Variants in SGCZ observed in about 807,000 individuals in gnomAD.
SGCZ encodes the protein zeta-sarcoglycan.
SGCZ carries 40 observed loss-of-function variants against 41.3 expected under a neutral mutation model. The observed-to-expected ratio is 0.97, with a 90% CI of 0.75 to 1.26. SGCZ has a LOEUF of 1.26. Ranked by LOEUF, SGCZ falls within the 50% of genes most tolerant of loss-of-function variation. The pLI, the probability that SGCZ is intolerant of heterozygous loss-of-function variation, is 0.00. For missense variants in SGCZ, 552 were observed against 369.8 expected (o/e 1.49, Z -4.04); for synonymous variants, 206 against 137.5 (o/e 1.50, Z -3.49).
intron 4 of SGCZ, among the ~76,000 whole-genome samples, chr8:14,178,390 G>C (rs1002584142): frequency 6.6e-6 from 1 of 152,144 alleles, no homozygotes; most frequent in Non-Finnish European, 1.5e-5. Flanking sequence ...TCAAAATTTT[G>C]GTCCATAGCC....
chr8:14,176,183 G>A (rs1804536443), intron 4 of SGCZ, among the ~76,000 whole-genome samples: 1 of 152,078 alleles, frequency 6.6e-6, no homozygotes, highest in Admixed American at 6.6e-5. Flanking sequence ...TTAGCATACT[G>A]GTCCTACACA....
chr8:14,260,878 A>C (rs1235911561), intron 3 of SGCZ, among the ~76,000 whole-genome samples: 1 of 152,132 alleles, frequency 6.6e-6, no homozygotes, highest in East Asian at 1.9e-4. Context: ...ATTCTCACTC[A>C]CAGGTGGGAA....
At chr8:14,186,531 C>G (rs953184146) in intron 4 of SGCZ, among the ~76,000 whole-genome samples, 3 of 152,176 alleles carry the variant, frequency 2.0e-5, no homozygotes, top group Non-Finnish European at 4.4e-5. Context: ...ATAGGCTAGA[C>G]AAGAAGACTA....
intron 1 of SGCZ, among the ~76,000 whole-genome samples, chr8:14,975,459 A>G (rs561181427): frequency 1.8e-3 from 270 of 152,286 alleles, no homozygotes; most frequent in Middle Eastern, 3.4e-3. Context: ...ACAATCTGAA[A>G]GATATGTAGG....
intron 2 of SGCZ, among the ~76,000 whole-genome samples, chr8:14,507,956 A>G (rs1244710026): frequency 6.6e-6 from 1 of 151,768 alleles, no homozygotes; most frequent in Non-Finnish European, 1.5e-5. Flanking sequence ...TTTTTAGTAG[A>G]GACGGGGTTT....
chr8:15,219,048 C>T (rs538062573), intron 1 of SGCZ, among the ~76,000 whole-genome samples: 1 of 152,168 alleles, frequency 6.6e-6, no homozygotes, highest in Non-Finnish European at 1.5e-5. Flanking sequence ...TCGTTTTACC[C>T]TGCACTCTCC....
At chr8:15,145,752 C>T (rs1052590776) in intron 1 of SGCZ, among the ~76,000 whole-genome samples, 2 of 152,148 alleles carry the variant, frequency 1.3e-5, no homozygotes, top group African/African-American at 4.8e-5. Flanking sequence ...CCATACGTGG[C>T]CCTCCATCTT....
intron 1 of SGCZ, among the ~76,000 whole-genome samples, chr8:14,560,594 C>T (rs1371085285): frequency 2.6e-5 from 4 of 152,010 alleles, no homozygotes; most frequent in Non-Finnish European, 4.4e-5. Flanking sequence ...TCCCCTTTAT[C>T]TCATATTAAA....
intron 1 of SGCZ, among the ~76,000 whole-genome samples, chr8:14,912,006 C>T (rs1585372108): frequency 6.6e-6 from 1 of 151,780 alleles, no homozygotes; most frequent in Admixed American, 6.6e-5. Context: ...TTTCTTTGTC[C>T]CTATATTCAA....
At chr8:14,963,793 T>C (rs1007920969) in intron 1 of SGCZ, among the ~76,000 whole-genome samples, 8 of 152,328 alleles carry the variant, frequency 5.3e-5, no homozygotes, top group Admixed American at 1.3e-4. Context: ...ATTTCACTAC[T>C]TACAAGACTG....
chr8:14,103,443 C>G (rs530735830), intron 6 of SGCZ, among the ~76,000 whole-genome samples: 1 of 152,120 alleles, frequency 6.6e-6, no homozygotes, highest in African/African-American at 2.4e-5. Context: ...TCCCCTCGGG[C>G]TCACATTCAC....
chr8:14,420,209 T>G (rs1176780159), intron 2 of SGCZ, among the ~76,000 whole-genome samples: 1 of 152,096 alleles, frequency 6.6e-6, no homozygotes. Flanking sequence ...TCCCATTTTT[T>G]CAGCCTTTTC....
intron 1 of SGCZ, among the ~76,000 whole-genome samples, chr8:14,561,874 G>A (rs940959337): frequency 6.6e-6 from 1 of 152,106 alleles, no homozygotes; most frequent in African/African-American, 2.4e-5. Context: ...AAAGATGCCT[G>A]ATCAAATAGA....
chr8:14,161,993 G>T (rs891863368), intron 5 of SGCZ, among the ~76,000 whole-genome samples: 1 of 152,122 alleles, frequency 6.6e-6, no homozygotes, highest in East Asian at 1.9e-4. Flanking sequence ...ATAGATAACT[G>T]CCTTAAGGCA....
At chr8:14,143,387 T>G (rs1214626297) in intron 5 of SGCZ, among the ~76,000 whole-genome samples, 1 of 152,296 alleles carries the variant, frequency 6.6e-6, no homozygotes, top group East Asian at 1.9e-4. Context: ...TTTCTCTATT[T>G]GAAAATGACA....
intron 2 of SGCZ, among the ~76,000 whole-genome samples, chr8:14,474,306 T>G (rs1440528284): frequency 6.6e-6 from 1 of 152,224 alleles, no homozygotes; most frequent in African/African-American, 2.4e-5. Context: ...AATTTCTGAA[T>G]CATTTTTAAA....
intron 1 of SGCZ, among the ~76,000 whole-genome samples, chr8:15,067,054 C>A (rs143178045): frequency 0.012 from 1,860 of 152,264 alleles, 18 homozygotes; most frequent in Non-Finnish European, 0.016. Context: ...CGGTCATACA[C>A]ATCACAATTA....
At chr8:14,492,751 T>C (rs1243047639) in intron 2 of SGCZ, among the ~76,000 whole-genome samples, 2 of 152,202 alleles carry the variant, frequency 1.3e-5, no homozygotes, top group Non-Finnish European at 2.9e-5. Context: ...CATTTCGTGA[T>C]ACTTTAAGCA....
intron 5 of SGCZ, among the ~76,000 whole-genome samples, chr8:14,146,887 A>T (rs371702977): frequency 8.9e-6 from 1 of 112,908 alleles, no homozygotes; most frequent in Non-Finnish European, 1.9e-5. Context: ...ATAAAAATAA[A>T]AAAAATAATA....
Sources: gnomAD v4.1 joint callset for allele counts (sites outside exome capture counted in the v4.1 genomes callset) on GRCh38, gnomAD v4.1.1 for gene constraint, MANE v1.5 for transcripts, NCBI Gene and HGNC (gene_info 2026-07-23, HGNC 2026-07-21) for gene names.